GCH1: variants seen among roughly 807,000 people sequenced by gnomAD.
GCH1 encodes GTP cyclohydrolase 1.
In GCH1, 5 loss-of-function variants were observed where a neutral mutation model predicts 25.9. That is an observed-to-expected ratio of 0.19 (90% confidence interval 0.10 to 0.41). The LOEUF is 0.41. Among genes scored for constraint, GCH1 ranks in the 10% least tolerant of loss-of-function variants. The probability of loss-of-function intolerance (pLI) is 1.00; values close to 1 mark genes in which losing one functional copy is unlikely to be tolerated. For missense variants in GCH1, 261 were observed against 336.5 expected (o/e 0.78, Z 1.75); for synonymous variants, 159 against 129.6 (o/e 1.23, Z -1.54).
At chr14:54,902,254 G>C (rs1032584873) in intron 1 of GCH1, 67 bp downstream of exon 1, 5 of 1,535,386 alleles carry the variant, frequency 3.3e-6, no homozygotes, top group South Asian at 1.1e-5. Context: ...TCCTGGAGCC[G>C]GCGCGCGTTT....
intron 2 of GCH1, among the ~76,000 whole-genome samples, chr14:54,861,090 A>C (rs2039890082): frequency 6.6e-6 from 1 of 152,236 alleles, no homozygotes; most frequent in African/African-American, 2.4e-5. Flanking sequence ...CGAATATAAA[A>C]TTAGAGACTC....
intron 1 of GCH1, among the ~76,000 whole-genome samples, chr14:54,867,171 G>A (rs147337091): frequency 6.6e-6 from 1 of 152,316 alleles, no homozygotes; most frequent in East Asian, 1.9e-4. Context: ...AAACAAGAGA[G>A]AAGCATTAAA....
At chr14:54,885,127 G>A (rs1162417667) in intron 1 of GCH1, 4 of 274,730 alleles carry the variant, frequency 1.5e-5, no homozygotes, top group Non-Finnish European at 1.5e-5. Flanking sequence ...TCTGCCAGTG[G>A]TGACAGTAGG....
At chr14:54,844,398 T>C (rs541078899) in intron 5 of GCH1, among the ~76,000 whole-genome samples, 1 of 152,236 alleles carries the variant, frequency 6.6e-6, no homozygotes, top group South Asian at 2.1e-4. Flanking sequence ...CAACTTTTAT[T>C]TTTATCAGTA....
chr14:54,854,730 G>A lies in GCH1; in HGVS notation c.509+4951C>T, dbSNP rs573856379. ...AAAATTAATACTGGAGCTAAGAACA[G>A]GAAGTGTCTGAATAGATTCAACCTC... is the stretch of plus-strand genomic sequence containing the variant. On this transcript the variant is annotated intron_variant, in intron 3 of 5. Coordinates refer to ENST00000491895, the MANE Select transcript of GCH1 (RefSeq NM_000161.3). Among the ~76,000 whole-genome samples, 3 of 152,270 alleles carry A rather than the reference G, an allele frequency of 2.0e-5. No homozygotes were observed. In the South Asian group the frequency reaches 6.2e-4, roughly 32 times the overall value.
chr14:54,892,451 G>A lies in GCH1; in HGVS notation c.343+9870C>T, dbSNP rs372805219. Reference sequence around the variant, plus strand: ...CGCCTGTAATCCCAACACTTTGGGAGGCAGAAACGGGCGGATCATCTGAGG... The same window carrying A: ...CGCCTGTAATCCCAACACTTTGGGAAGCAGAAACGGGCGGATCATCTGAGG... On this transcript the variant is annotated intron_variant, in intron 1 of 5. Coordinates refer to ENST00000491895, the MANE Select transcript of GCH1 (RefSeq NM_000161.3). 4.5e-4 allele frequency among the ~76,000 whole-genome samples: 68 copies of A among 152,354 alleles called. 1 individual carries two copies. The East Asian group carries it at 0.013, about 28-fold the overall frequency.
chr14:54,873,343 C>G (rs1173012823), intron 1 of GCH1, among the ~76,000 whole-genome samples: 1 of 152,184 alleles, frequency 6.6e-6, no homozygotes, highest in Admixed American at 6.5e-5. Context: ...ACATTTAAAG[C>G]AGTGTGTAGA....
rs2039619235 is a variant in GCH1, at chr14:54,845,030, G to A, written c.626+738C>T. On this transcript the variant is annotated intron_variant, in intron 5 of 5. Coordinates refer to ENST00000491895, the MANE Select transcript of GCH1 (RefSeq NM_000161.3). ...TCTCTACTAAATACGAAAATTAGCT[G>A]GGTGTGGTGGCGGGCACCTGTAATC... 2.0e-5 allele frequency among the ~76,000 whole-genome samples: 3 copies of A among 152,036 alleles called. No homozygotes were observed. The South Asian group carries it at 6.2e-4, about 32-fold the overall frequency.
At position 54,843,644 on chromosome 14, in the gene GCH1, T is replaced by G. The variant is rs1194109700; in HGVS notation, c.*373A>C. 2.4e-5 allele frequency: 37 copies of G among 1,540,414 alleles called. No homozygotes were observed. Among genetic ancestry groups the G allele is most frequent in the Non-Finnish European group, 3.2e-5 (37 of 1,149,718 alleles). The stretch of plus-strand genomic sequence containing the variant: ...TGGAGGAAGAAAAAAAACAGTATAC[T>G]GGGCACAGTTCCCTCTCATTCCCAA... On this transcript the variant is annotated 3_prime_UTR_variant, in exon 6 of 6. Transcript: ENST00000491895.
rs547110847 is a variant in GCH1, at chr14:54,889,659, C to T, written c.343+12662G>A. On this transcript the variant is annotated intron_variant, in intron 1 of 5. Coordinates refer to ENST00000491895, the MANE Select transcript of GCH1 (RefSeq NM_000161.3). Reference sequence around the variant, plus strand: ...GTTGTTGATAAGCAAGAGGCAGCAGCCACCTCCCCATGGTTGCCAACCAAA... The same window carrying T: ...GTTGTTGATAAGCAAGAGGCAGCAGTCACCTCCCCATGGTTGCCAACCAAA... Among the ~76,000 whole-genome samples, 53 of 152,260 alleles carry T rather than the reference C, an allele frequency of 3.5e-4. 1 individual carries two copies. The South Asian group carries it at 9.9e-3, about 29-fold the overall frequency.
rs189141591 is a variant in GCH1, at chr14:54,895,943, A to G, written c.343+6378T>C. On this transcript the variant is annotated intron_variant, in intron 1 of 5. Coordinates refer to ENST00000491895, the MANE Select transcript of GCH1 (RefSeq NM_000161.3). Reference sequence around the variant, plus strand: ...CTCCCATGGAAGGTACACACTGGAAAGTAGGGAAAAGGTGCACAAGGAGAC... The same window carrying G: ...CTCCCATGGAAGGTACACACTGGAAGGTAGGGAAAAGGTGCACAAGGAGAC... Among the ~76,000 whole-genome samples the G allele has an allele frequency of 2.1e-4, 32 of 152,314 alleles. No individual in the cohort carries two copies. In the East Asian group the frequency reaches 6.0e-3, roughly 29 times the overall value.
At chr14:54,857,178 G>T (rs1566664768) in intron 3 of GCH1, among the ~76,000 whole-genome samples, 3 of 152,076 alleles carry the variant, frequency 2.0e-5, no homozygotes, top group African/African-American at 7.2e-5. Flanking sequence ...TTGGCTTCAT[G>T]TTCCATTTTA....
At chr14:54,885,515 C>A (rs2140106471) in intron 1 of GCH1, 1 of 326,086 alleles carries the variant, frequency 3.1e-6, no homozygotes, top group Non-Finnish European at 5.9e-6. Flanking sequence ...GCATCCAAAC[C>A]TACACCTGGC....
intron 2 of GCH1, 123 bp from the exon 3 acceptor site, chr14:54,859,859 C>A: frequency 2.9e-6 from 2 of 699,700 alleles, no homozygotes; most frequent in Admixed American, 2.0e-5. Context: ...AATGTATTAC[C>A]TTGAAAACAT....
At chr14:54,869,188 G>A (rs984793555) in intron 1 of GCH1, among the ~76,000 whole-genome samples, 1 of 150,772 alleles carries the variant, frequency 6.6e-6, no homozygotes, top group Admixed American at 6.6e-5. Flanking sequence ...ACAGGCACGT[G>A]CCACCAAACT....
chr14:54,884,096 C>A lies in GCH1; in HGVS notation c.343+18225G>T, dbSNP rs140081805. Among the ~76,000 whole-genome samples, 375 of 152,278 alleles carry A rather than the reference C, an allele frequency of 2.5e-3. 1 individual carries two copies. The highest frequency in any genetic ancestry group is 8.4e-3 in the African/African-American group (350 of 41,552). ...ACAATAAAGTTTTCATAGTTCTGAG[C>A]TGAAAACAAATCTATCAAACCATGA... On this transcript the variant is annotated intron_variant, in intron 1 of 5. Transcript: ENST00000491895.
intron 1 of GCH1, among the ~76,000 whole-genome samples, chr14:54,887,224 A>T (rs2040364186): frequency 1.3e-5 from 2 of 152,214 alleles, no homozygotes; most frequent in South Asian, 4.1e-4. Context: ...ATCCTAGAAA[A>T]CCAGTGAAAC....
intron 1 of GCH1, among the ~76,000 whole-genome samples, chr14:54,882,056 C>T (rs1479098190): frequency 1.3e-5 from 2 of 152,174 alleles, no homozygotes; most frequent in East Asian, 1.9e-4. Flanking sequence ...GGAAGTTTAT[C>T]GGTAAGATGT....
At position 54,844,147 on chromosome 14, in the gene GCH1, C is replaced by T. The variant is rs1276695344; in HGVS notation, c.627-4G>A. 2.5e-6 allele frequency: 4 copies of T among 1,601,840 alleles called. No individual in the cohort carries two copies. Among genetic ancestry groups the T allele is most frequent in the East Asian group, 2.2e-5 (1 of 44,836 alleles). ...TCGCATTACCATACACATGTGTCTA[C>T]AAAATAAGGCAACACAGGTTGTTTA... is the stretch of plus-strand genomic sequence containing the variant. On this transcript the variant is annotated splice_region_variant and splice_polypyrimidine_tract_variant and intron_variant, in intron 5 of 5. Coordinates refer to ENST00000491895, the MANE Select transcript of GCH1 (RefSeq NM_000161.3).
Sources: gnomAD v4.1 joint callset for allele counts (sites outside exome capture counted in the v4.1 genomes callset) on GRCh38, gnomAD v4.1.1 for gene constraint, MANE v1.5 for transcripts, NCBI Gene and HGNC (gene_info 2026-07-23, HGNC 2026-07-21) for gene names.